CASD1: variants seen among roughly 807,000 people sequenced by gnomAD.
CASD1 encodes the protein CAS1 domain sialic acid O acetyltransferase 1.
CASD1 carries 41 observed loss-of-function variants against 100.0 expected under a neutral mutation model. The ratio of observed to expected loss-of-function variants is 0.41; its 90% CI spans 0.32 to 0.53. The LOEUF is 0.53. Ranked by LOEUF, CASD1 falls within the 20% of genes least tolerant of loss-of-function variation. CASD1 has a pLI of 0.25. For missense variants in CASD1, 774 were observed against 948.7 expected, an observed-to-expected ratio of 0.82 and a Z score of 2.42; for synonymous variants, 321 against 315.6, an observed-to-expected ratio of 1.02 and a Z score of -0.18.
At chr7:94,626,292 T>C in the CASD1 span, 18 of 152,078 alleles carry the variant, frequency 1.2e-4, no homozygotes, top group Admixed American at 9.8e-4. Flanking sequence ...TATAGTGAAA[T>C]TGATAAATTT....
chr7:94,521,204 C>G (rs138348224), intron 3 of CASD1, among the ~76,000 whole-genome samples: 226 of 152,134 alleles, frequency 1.5e-3, no homozygotes, highest in African/African-American at 5.3e-3. Context: ...AGGACATTCT[C>G]AGATATTTAA....
chr7:94,518,078 G>C (rs577682354), intron 2 of CASD1, 125 bp from the exon 3 acceptor site: 17 of 930,376 alleles, frequency 1.8e-5, no homozygotes, highest in East Asian at 1.6e-4. Flanking sequence ...CTGGCCACCT[G>C]CTTATAAAGC....
At chr7:94,550,549 A>G (rs1463679401) in intron 14 of CASD1, among the ~76,000 whole-genome samples, 3 of 152,220 alleles carry the variant, frequency 2.0e-5, no homozygotes, top group Non-Finnish European at 4.4e-5. Flanking sequence ...TATTTCTTAC[A>G]GTTTTGGAAG....
chr7:94,605,335 TAAAGA>T, the CASD1 span, among the ~76,000 whole-genome samples: 71 of 150,536 alleles, frequency 4.7e-4, no homozygotes, highest in Admixed American at 8.0e-4. Context: ...CAGATCTACA[TAAAGA>T]AAAGTAGAGC....
downstream of CASD1, among the ~76,000 whole-genome samples, chr7:94,559,925 A>AT (rs767907705): frequency 2.0e-5 from 3 of 152,194 alleles, no homozygotes; most frequent in Non-Finnish European, 2.9e-5. Context: ...AATATCTTCA[A>AT]TATTATACAT....
intron 15 of CASD1, 172 bp from the exon 16 acceptor site, chr7:94,552,178 A>G (rs1795982469): frequency 1.7e-6 from 1 of 573,006 alleles, no homozygotes. Flanking sequence ...GGACAGTTGA[A>G]CATACCAAAA....
chr7:94,541,151 TGTA>T (rs1795373127), intron 10 of CASD1, among the ~76,000 whole-genome samples: 1 of 152,056 alleles, frequency 6.6e-6, no homozygotes, highest in African/African-American at 2.4e-5. Flanking sequence ...TATAGGATGT[TGTA>T]GTTAAAAAAT....
intron 5 of CASD1, among the ~76,000 whole-genome samples, chr7:94,532,250 AAATT>A (rs754978310): frequency 5.3e-5 from 8 of 152,190 alleles, no homozygotes; most frequent in Non-Finnish European, 1.0e-4. Flanking sequence ...TTTAATATAT[AAATT>A]AGGCACACTA....
the CASD1 span, among the ~76,000 whole-genome samples, chr7:94,572,542 A>G: frequency 3.3e-5 from 5 of 152,102 alleles, no homozygotes; most frequent in African/African-American, 9.7e-5. Flanking sequence ...AAAAGTGTCA[A>G]TTTATATCCT....
At chr7:94,540,867 T>C (rs1795358916) in intron 10 of CASD1, among the ~76,000 whole-genome samples, 1 of 152,068 alleles carries the variant, frequency 6.6e-6, no homozygotes, top group Non-Finnish European at 1.5e-5. Flanking sequence ...TATTAAAGGG[T>C]GATACTACTG....
the CASD1 span, among the ~76,000 whole-genome samples, chr7:94,615,327 C>T: frequency 6.6e-6 from 1 of 151,966 alleles, no homozygotes; most frequent in Non-Finnish European, 1.5e-5. Context: ...CCACTGCACT[C>T]TAGCCTGGGT....
At chr7:94,588,161 G>C in the CASD1 span, 9 of 1,110,992 alleles carry the variant, frequency 8.1e-6, no homozygotes, top group East Asian at 4.3e-4. Flanking sequence ...GCAAGTCTTA[G>C]GGAAATAGAA....
chr7:94,628,443 T>C, the CASD1 span: 14 of 1,235,038 alleles, frequency 1.1e-5, no homozygotes, highest in Non-Finnish European at 1.6e-5. Flanking sequence ...ACATTCTGTC[T>C]AAAATTTTTT....
the CASD1 span, among the ~76,000 whole-genome samples, chr7:94,608,567 A>G: frequency 6.6e-6 from 1 of 152,228 alleles, no homozygotes; most frequent in African/African-American, 2.4e-5. Flanking sequence ...ATATTAACAA[A>G]CTTATTCTAA....
At chr7:94,581,251 TA>T in the CASD1 span, among the ~76,000 whole-genome samples, 4 of 152,188 alleles carry the variant, frequency 2.6e-5, no homozygotes, top group African/African-American at 7.2e-5. Context: ...TGGTACCAAC[TA>T]AAAATCTCAC....
intron 12 of CASD1, 87 bp downstream of exon 12, chr7:94,545,788 T>C (rs1475734991): frequency 1.2e-6 from 1 of 800,128 alleles, no homozygotes; most frequent in Admixed American, 2.9e-5. Context: ...ATTATTTTTA[T>C]TAAGTGATGT....
At chr7:94,585,730 C>CTA in the CASD1 span, among the ~76,000 whole-genome samples, 1 of 152,084 alleles carries the variant, frequency 6.6e-6, no homozygotes, top group African/African-American at 2.4e-5. Context: ...TGGACCAAAG[C>CTA]TATAATATTT....
the CASD1 span, chr7:94,597,376 TATCTA>T: frequency 6.6e-6 from 1 of 152,166 alleles, no homozygotes; most frequent in Non-Finnish European, 1.5e-5. Flanking sequence ...TGGATAAACT[TATCTA>T]GTCTATCTAT....
Position 94,548,722 on chromosome 7 carries a change from G to A in CASD1, c.1714-811G>A, listed in dbSNP as rs576670138. On this transcript the variant is annotated intron_variant, in intron 13 of 17. Coordinates refer to ENST00000297273, the MANE Select transcript of CASD1 (RefSeq NM_022900.5). ...TTTTAATAGCCTCTTTAAAAATCACGATGTTACACTTTTTATGCCGTAGCA... is the reference window on the plus strand; with the variant it reads ...TTTTAATAGCCTCTTTAAAAATCACAATGTTACACTTTTTATGCCGTAGCA... Among the ~76,000 whole-genome samples the A allele has an allele frequency of 5.9e-5, 9 of 151,696 alleles. No individual in the cohort carries two copies. In the East Asian group the frequency reaches 1.2e-3, roughly 20 times the overall value.
Sources: gnomAD v4.1 joint callset for allele counts (sites outside exome capture counted in the v4.1 genomes callset) on GRCh38, gnomAD v4.1.1 for gene constraint, MANE v1.5 for transcripts, NCBI Gene and HGNC (gene_info 2026-07-23, HGNC 2026-07-21) for gene names.